POU6F2: variants seen among roughly 807,000 people sequenced by gnomAD.
The protein encoded by POU6F2 is POU class 6 homeobox 2, also known as POU domain, class 6, transcription factor 2.
POU6F2 carries 31 observed loss-of-function variants against 71.3 expected under a neutral mutation model. The observed-to-expected ratio is 0.43, with a 90% CI of 0.33 to 0.59. POU6F2 has a LOEUF of 0.59. Among genes scored for constraint, POU6F2 ranks in the 20% least tolerant of loss-of-function variants. POU6F2 has a pLI of 0.04. For synonymous variants in POU6F2, 347 were observed against 355.7 expected (o/e 0.98, Z 0.27); for missense variants, 783 against 856.8 (o/e 0.91, Z 1.07).
At chr7:39,275,679 G>A (rs1784423912) in intron 4 of POU6F2, among the ~76,000 whole-genome samples, 1 of 152,160 alleles carries the variant, frequency 6.6e-6, no homozygotes, top group Admixed American at 6.5e-5. Context: ...AACCAAAACA[G>A]CATGGTACAG....
intron 1 of POU6F2, among the ~76,000 whole-genome samples, chr7:38,988,590 C>CA (rs1562655957): frequency 6.6e-6 from 1 of 151,962 alleles, no homozygotes; most frequent in South Asian, 2.1e-4. Flanking sequence ...TTTACCCATC[C>CA]AAAAAACAAC....
At chr7:39,395,614 T>A (rs891380166) in intron 5 of POU6F2, among the ~76,000 whole-genome samples, 1 of 152,226 alleles carries the variant, frequency 6.6e-6, no homozygotes, top group Non-Finnish European at 1.5e-5. Flanking sequence ...GCACAGAGCC[T>A]GCACCCTGGT....
intron 8 of POU6F2, among the ~76,000 whole-genome samples, chr7:39,454,675 T>G (rs1252573957): frequency 0.049 from 182 of 3,742 alleles, 19 homozygotes; most frequent in East Asian, 0.15. Flanking sequence ...TATATATATA[T>G]ATATATATAT....
chr7:39,338,481 A>G (rs1360045566), intron 4 of POU6F2, among the ~76,000 whole-genome samples: 5 of 152,208 alleles, frequency 3.3e-5, no homozygotes, highest in Non-Finnish European at 7.4e-5. Flanking sequence ...AGAGCAGTTC[A>G]GTGGCTCAGT....
chr7:38,997,760 G>A (rs1788779107), intron 1 of POU6F2, among the ~76,000 whole-genome samples: 1 of 152,224 alleles, frequency 6.6e-6, no homozygotes, highest in Admixed American at 6.5e-5. Context: ...GGTCCCAGCT[G>A]TTATGGACTG....
chr7:39,125,573 C>A (rs1792124243), intron 2 of POU6F2, among the ~76,000 whole-genome samples: 1 of 151,946 alleles, frequency 6.6e-6, no homozygotes, highest in Non-Finnish European at 1.5e-5. Flanking sequence ...AAATAAGAAT[C>A]ATTTCTGGAT....
intron 4 of POU6F2, among the ~76,000 whole-genome samples, chr7:39,218,853 GA>G (rs1794294352): frequency 6.6e-6 from 1 of 152,118 alleles, no homozygotes; most frequent in African/African-American, 2.4e-5. Context: ...CTGAGATGGA[GA>G]TACCACTAGC....
intron 2 of POU6F2, among the ~76,000 whole-genome samples, chr7:39,139,736 C>T (rs1213790472): frequency 6.6e-6 from 1 of 152,192 alleles, no homozygotes; most frequent in Non-Finnish European, 1.5e-5. Context: ...GGTGGTTCCA[C>T]ATGGCCTCTA....
chr7:39,097,753 C>T (rs180742444), intron 2 of POU6F2, among the ~76,000 whole-genome samples: 1 of 152,330 alleles, frequency 6.6e-6, no homozygotes, highest in East Asian at 1.9e-4. Flanking sequence ...TCACCTAGCT[C>T]ACCCACTGAA....
chr7:39,032,026 C>T (rs1789954459), intron 1 of POU6F2, among the ~76,000 whole-genome samples: 1 of 152,150 alleles, frequency 6.6e-6, no homozygotes, highest in South Asian at 2.1e-4. Flanking sequence ...GGATGCTACT[C>T]ATTATTTCTA....
At chr7:39,133,931 G>T (rs985529058) in intron 2 of POU6F2, among the ~76,000 whole-genome samples, 34 of 152,132 alleles carry the variant, frequency 2.2e-4, no homozygotes, top group Admixed American at 4.6e-4. Context: ...CTGGAGTACA[G>T]TGGCATGATC....
chr7:39,334,980 C>A (rs547491030), intron 4 of POU6F2, among the ~76,000 whole-genome samples: 2 of 152,128 alleles, frequency 1.3e-5, no homozygotes, highest in Non-Finnish European at 2.9e-5. Context: ...GATGCCACCC[C>A]GGAGATACTC....
chr7:39,421,491 G>T (rs941170513), intron 6 of POU6F2, among the ~76,000 whole-genome samples: 8 of 152,088 alleles, frequency 5.3e-5, no homozygotes, highest in Non-Finnish European at 7.4e-5. Flanking sequence ...TTTCTTAGAG[G>T]CTTGTTTTGT....
At chr7:39,325,672 A>G (rs1785490126) in intron 4 of POU6F2, among the ~76,000 whole-genome samples, 1 of 152,198 alleles carries the variant, frequency 6.6e-6, no homozygotes, top group African/African-American at 2.4e-5. Context: ...GGATGGATTA[A>G]ATCAACCATG....
intron 4 of POU6F2, among the ~76,000 whole-genome samples, chr7:39,289,934 T>C (rs1165367431): frequency 1.3e-5 from 2 of 152,136 alleles, no homozygotes; most frequent in Non-Finnish European, 2.9e-5. Flanking sequence ...CTCAGCTTAG[T>C]CAGACGGACT....
chr7:39,219,356 A>G (rs991216337), intron 4 of POU6F2, among the ~76,000 whole-genome samples: 3 of 152,194 alleles, frequency 2.0e-5, no homozygotes, highest in African/African-American at 7.2e-5. Context: ...AATTAAATCT[A>G]TTATTTAAAA....
At chr7:39,043,282 C>G (rs1014000741) in intron 1 of POU6F2, among the ~76,000 whole-genome samples, 2 of 151,994 alleles carry the variant, frequency 1.3e-5, no homozygotes, top group Admixed American at 6.6e-5. Context: ...AAATGGAACT[C>G]TTAGAAATTT....
At chr7:39,438,470 A>G (rs1311029967) in intron 7 of POU6F2, among the ~76,000 whole-genome samples, 1 of 152,206 alleles carries the variant, frequency 6.6e-6, no homozygotes, top group Non-Finnish European at 1.5e-5. Flanking sequence ...CAGTAATGGG[A>G]TGGCTGGGCT....
chr7:39,086,059 G>C (rs1791236660), intron 2 of POU6F2, 28 bp downstream of exon 2: 1 of 1,605,002 alleles, frequency 6.2e-7, no homozygotes, highest in Non-Finnish European at 8.5e-7. Context: ...TTTCATTTCA[G>C]TACTACCATG....
Sources: allele counts gnomAD v4.1 joint callset (sites outside exome capture counted in the v4.1 genomes callset), GRCh38; gene constraint gnomAD v4.1.1; transcripts MANE v1.5; gene names NCBI Gene and HGNC (gene_info 2026-07-23, HGNC 2026-07-21).